The following TIAM2 variants were observed in gnomAD, a reference collection of about 807,000 sequenced individuals.
TIAM2 encodes the protein TIAM Rac1 associated GEF 2.
In TIAM2, 80 loss-of-function variants were observed where a neutral mutation model predicts 152.9. The observed-to-expected ratio is 0.52, with a 90% CI of 0.44 to 0.63. The LOEUF is 0.63. TIAM2 is among the 30% of genes least tolerant of loss of function. The pLI is 0.00. For synonymous variants in TIAM2, 804 were observed against 838.0 expected, an observed-to-expected ratio of 0.96 and a Z score of 0.70; for missense variants, 1,965 against 2,120.1, an observed-to-expected ratio of 0.93 and a Z score of 1.44.
intron 16 of TIAM2, among the ~76,000 whole-genome samples, chr6:155,241,896 C>T (rs1295879120): frequency 6.6e-6 from 1 of 152,220 alleles, no homozygotes; most frequent in African/African-American, 2.4e-5. Context: ...GCCCTTCTGA[C>T]ATCTTGAGAA....
chr6:155,154,985 CA>C (rs750062188), intron 7 of TIAM2, among the ~76,000 whole-genome samples: 9 of 152,058 alleles, frequency 5.9e-5, no homozygotes, highest in Non-Finnish European at 1.0e-4. Flanking sequence ...TGGATGTGTA[CA>C]GGGGGAAGCA....
At chr6:155,171,571 A>C (rs1485619619) in intron 9 of TIAM2, among the ~76,000 whole-genome samples, 1 of 151,914 alleles carries the variant, frequency 6.6e-6, no homozygotes, top group African/African-American at 2.4e-5. Context: ...AACCTAAAAA[A>C]CCCCAAAAAA....
rs1445059126 is a variant in TIAM2, at chr6:155,114,057, T to A, written c.-117-13433T>A. Among the ~76,000 whole-genome samples, 11 of 103,296 alleles carry A rather than the reference T, an allele frequency of 1.1e-4. 1 individual carries two copies. The highest frequency in any genetic ancestry group is 5.2e-4 in the East Asian group (2 of 3,810). The allele number at this position is 103,296 out of a possible 152,430, so 67.8% of individuals were successfully genotyped here. A position where few individuals can be genotyped will look rare whatever the true frequency, so the allele number is the denominator to read the frequency against. On this transcript the variant is annotated intron_variant, in intron 2 of 26. Coordinates refer to ENST00000682666, the MANE Select transcript of TIAM2 (RefSeq NM_012454.4). ...ATATATTTTTTTTTTTTTCTTTTTT[T>A]TTTTTTTTTTTTTTGAAATGGAGTC...
At chr6:155,141,394 T>TATACACACACACACACAC (rs68158012) in intron 5 of TIAM2, among the ~76,000 whole-genome samples, 2 of 150,142 alleles carry the variant, frequency 1.3e-5, no homozygotes, top group African/African-American at 4.9e-5. Flanking sequence ...CATATATGTG[T>TATACACACACACACACAC]ACACACACAC....
intron 15 of TIAM2, among the ~76,000 whole-genome samples, chr6:155,220,149 G>A (rs1034320830): frequency 2.6e-5 from 4 of 152,246 alleles, no homozygotes; most frequent in African/African-American, 9.6e-5. Context: ...GGCATGGTCT[G>A]TGCTGTGGGC....
In TIAM2 at chr6:155,161,294, C is replaced by T. The variant is rs568268001; in HGVS notation, c.2029-3121C>T. Reference sequence around the variant, plus strand: ...CTCTGCTTCCTGTGCTCAAGTGATCCTCCCAACTCAGCCTCTCAAGACCAC... The same window carrying T: ...CTCTGCTTCCTGTGCTCAAGTGATCTTCCCAACTCAGCCTCTCAAGACCAC... On this transcript the variant is annotated intron_variant, in intron 7 of 26. Transcript: ENST00000682666. 4.6e-5 allele frequency among the ~76,000 whole-genome samples: 7 copies of T among 152,198 alleles called. No individual in the cohort carries two copies. In the South Asian group the frequency reaches 1.5e-3, roughly 32 times the overall value.
At chr6:155,226,214 A>G (rs1017340194) in intron 15 of TIAM2, among the ~76,000 whole-genome samples, 1 of 152,208 alleles carries the variant, frequency 6.6e-6, no homozygotes, top group African/African-American at 2.4e-5. Context: ...GATCCATGAA[A>G]CCTGAAAAAG....
chr6:155,086,227 C>T (rs563598613), intron 1 of TIAM2, among the ~76,000 whole-genome samples: 1 of 152,326 alleles, frequency 6.6e-6, no homozygotes, highest in East Asian at 1.9e-4. Context: ...TTGCTGGAAA[C>T]AGAGCTGTTG....
At chr6:155,130,499 G>T in intron 4 of TIAM2, 82 bp downstream of exon 4, 2 of 1,326,120 alleles carry the variant, frequency 1.5e-6, no homozygotes, top group Non-Finnish European at 1.0e-6. Flanking sequence ...AGCCACCATA[G>T]AGTGTTGTCG....
intron 2 of TIAM2, among the ~76,000 whole-genome samples, chr6:155,111,655 T>C (rs1778853990): frequency 6.6e-6 from 1 of 152,200 alleles, no homozygotes; most frequent in Non-Finnish European, 1.5e-5. Context: ...CCACCTCCTC[T>C]TGTGCGTGCA....
At chr6:155,017,290 G>A (rs1035399404) in intron 1 of TIAM2, among the ~76,000 whole-genome samples, 3 of 152,032 alleles carry the variant, frequency 2.0e-5, no homozygotes, top group African/African-American at 7.2e-5. Context: ...ACGTGATTGT[G>A]GAAATGAGTG....
intron 14 of TIAM2, among the ~76,000 whole-genome samples, chr6:155,192,952 T>C (rs1048927048): frequency 2.0e-5 from 3 of 152,224 alleles, no homozygotes; most frequent in African/African-American, 7.2e-5. Flanking sequence ...TGGTGGACTT[T>C]TCTTATTTGG....
chr6:155,151,849 C>CTT (rs5881123), intron 7 of TIAM2, among the ~76,000 whole-genome samples: 91 of 127,618 alleles, frequency 7.1e-4, no homozygotes, highest in South Asian at 1.0e-3. Flanking sequence ...CTTTTTTTTT[C>CTT]TTTTTTTTTT....
intron 19 of TIAM2, among the ~76,000 whole-genome samples, chr6:155,246,062 CTA>C (rs1175060860): frequency 1.3e-5 from 2 of 149,966 alleles, no homozygotes; most frequent in African/African-American, 5.0e-5. Context: ...GAAATGCATG[CTA>C]TGGTGTTTTT....
At chr6:155,106,017 A>ATTTTATTTTAT (rs1554230742) in intron 2 of TIAM2, among the ~76,000 whole-genome samples, 1 of 149,842 alleles carries the variant, frequency 6.7e-6, no homozygotes, top group Non-Finnish European at 1.5e-5. Context: ...ATTTTATTTT[A>ATTTTATTTTAT]TTTTTTTGAG....
chr6:155,225,477 A>C (rs1782210553), intron 15 of TIAM2, among the ~76,000 whole-genome samples: 1 of 152,152 alleles, frequency 6.6e-6, no homozygotes, highest in Admixed American at 6.5e-5. Context: ...GTAACTTCTA[A>C]GTGTGGGGCT....
chr6:155,091,195 C>T (rs578174685), intron 2 of TIAM2, among the ~76,000 whole-genome samples: 6 of 152,250 alleles, frequency 3.9e-5, no homozygotes, highest in South Asian at 4.1e-4. Context: ...ATCTAAAGGA[C>T]GCCCAGCCAC....
At chr6:155,011,984 G>A (rs1188016069) in intron 1 of TIAM2, among the ~76,000 whole-genome samples, 1 of 152,086 alleles carries the variant, frequency 6.6e-6, no homozygotes, top group Admixed American at 6.5e-5. Flanking sequence ...CTTCCATGTA[G>A]GAAGAAACTT....
chr6:155,074,384 G>A (rs561349819), intron 1 of TIAM2, among the ~76,000 whole-genome samples: 12 of 151,640 alleles, frequency 7.9e-5, no homozygotes, highest in African/African-American at 2.2e-4. Flanking sequence ...GTGGAGTCTC[G>A]CTCAGTCGCC....
Sources: gnomAD v4.1 joint callset for allele counts (sites outside exome capture counted in the v4.1 genomes callset) on GRCh38, gnomAD v4.1.1 for gene constraint, MANE v1.5 for transcripts, NCBI Gene and HGNC (gene_info 2026-07-23, HGNC 2026-07-21) for gene names.